Variants in SYBU observed in about 807,000 individuals in gnomAD.
SYBU encodes the protein GOLSYN A protein.
A neutral mutation model predicts 35.9 loss-of-function variants in SYBU; 21 were observed. The ratio of observed to expected loss-of-function variants is 0.58; its 90% CI spans 0.41 to 0.84. SYBU has a LOEUF of 0.84. SYBU is among the 40% of genes least tolerant of loss of function. The pLI is 0.00. For synonymous variants in SYBU, 319 were observed against 324.3 expected, an observed-to-expected ratio of 0.98 and a Z score of 0.18; for missense variants, 768 against 848.2, an observed-to-expected ratio of 0.91 and a Z score of 1.17.
rs772984615 is a variant in SYBU, at chr8:109,586,137, C to T, written c.453G>A (p.Ser151=). ...GAGCGGAAATGCTGCCTGTGCTGCT[C>T]GAGGAGCTAAAATCAGCTTCACTAC... ...KPGSEADFSS[S]SSTGSISAPE... is the part of the protein sequence containing the mutation. The change falls in exon 4 of 7, where the codon TCG becomes TCA. Residue 151 remains serine (S), a synonymous_variant. Coordinates refer to ENST00000276646, the MANE Select transcript of SYBU (RefSeq NM_001099754.2). 30 of 1,609,744 alleles carry T rather than the reference C, an allele frequency of 1.9e-5. 1 individual carries two copies. In the South Asian group the frequency reaches 2.2e-4, roughly 12 times the overall value.
intron 4 of SYBU, among the ~76,000 whole-genome samples, chr8:109,582,644 TATC>T (rs1363950377): frequency 6.6e-6 from 1 of 152,160 alleles, no homozygotes; most frequent in Non-Finnish European, 1.5e-5. Flanking sequence ...CTTCAGGTAA[TATC>T]ATCATCATCG....
intron 3 of SYBU, among the ~76,000 whole-genome samples, chr8:109,616,694 T>C (rs1330230445): frequency 5.5e-5 from 8 of 146,602 alleles, no homozygotes; most frequent in African/African-American, 1.8e-4. Context: ...TGATGAAACA[T>C]ACTTTTTTTT....
intron 3 of SYBU, among the ~76,000 whole-genome samples, chr8:109,604,234 C>A (rs1825838756): frequency 6.6e-6 from 1 of 152,120 alleles, no homozygotes; most frequent in Non-Finnish European, 1.5e-5. Flanking sequence ...CCTCTAAGGG[C>A]ATACATAGTA....
intron 3 of SYBU, among the ~76,000 whole-genome samples, chr8:109,610,553 T>G (rs1811062064): frequency 6.6e-6 from 1 of 152,222 alleles, no homozygotes; most frequent in Non-Finnish European, 1.5e-5. Flanking sequence ...GCTGAAGCAT[T>G]ACTCCACTTG....
intron 6 of SYBU, among the ~76,000 whole-genome samples, chr8:109,576,655 T>C (rs2131181909): frequency 6.6e-6 from 1 of 152,338 alleles, no homozygotes; most frequent in Non-Finnish European, 1.5e-5. Flanking sequence ...CTGCTTATTC[T>C]GTCTCCTCTC....
intron 1 of SYBU, among the ~76,000 whole-genome samples, chr8:109,672,550 C>T (rs1394286902): frequency 1.3e-5 from 2 of 152,202 alleles, no homozygotes; most frequent in Non-Finnish European, 2.9e-5. Context: ...CCAGGAGATT[C>T]CCTTGGAAGC....
chr8:109,658,437 A>G (rs1400708379), intron 1 of SYBU, among the ~76,000 whole-genome samples: 2 of 152,206 alleles, frequency 1.3e-5, no homozygotes, highest in Non-Finnish European at 2.9e-5. Context: ...TTATAAGGAG[A>G]AATAAATGTG....
At chr8:109,689,832 GAAAAA>G (rs544879954) in intron 1 of SYBU, among the ~76,000 whole-genome samples, 10,746 of 102,802 alleles carry the variant, frequency 0.1, 519 homozygotes, top group East Asian at 0.15. Flanking sequence ...ACTACAATAT[GAAAAA>G]AAAAAAAAAA....
intron 1 of SYBU, among the ~76,000 whole-genome samples, chr8:109,668,165 G>GGAGAGAGAGAGAGAGAGAGGGAGAGA: frequency 1.1e-5 from 1 of 88,990 alleles, no homozygotes; most frequent in Non-Finnish European, 2.0e-5. Context: ...GGGGAGAGGG[G>GGAGAGAGAGAGAGAGAGAGGGAGAGA]GAGAGAGAGA....
intron 3 of SYBU, among the ~76,000 whole-genome samples, chr8:109,590,158 G>A (rs1824050459): frequency 6.6e-6 from 1 of 152,130 alleles, no homozygotes; most frequent in South Asian, 2.1e-4. Context: ...GGAGCAGCAG[G>A]AGCAACGGAC....
intron 1 of SYBU, among the ~76,000 whole-genome samples, chr8:109,663,258 CAGAT>C (rs67666534): frequency 0.16 from 24,447 of 149,014 alleles, 2,147 homozygotes; most frequent in South Asian, 0.21. Context: ...AAAATACATA[CAGAT>C]AGATAGATAG....
chr8:109,590,599 CTT>C (rs1454125512), intron 3 of SYBU, among the ~76,000 whole-genome samples: 9 of 151,798 alleles, frequency 5.9e-5, no homozygotes, highest in Non-Finnish European at 1.0e-4. Context: ...GAAGTTCAAA[CTT>C]AAAGTATTTA....
chr8:109,604,864 T>A (rs1165490170), intron 3 of SYBU, among the ~76,000 whole-genome samples: 1 of 152,192 alleles, frequency 6.6e-6, no homozygotes, highest in Non-Finnish European at 1.5e-5. Context: ...TCAAGAACAG[T>A]CAGGCCCGCC....
Position 109,642,767 on chromosome 8 carries a change from G to A in SYBU, c.190C>T (p.Arg64Cys), listed in dbSNP as rs760606239. 13 of 1,612,172 alleles carry A rather than the reference G, an allele frequency of 8.1e-6. No homozygotes were observed. Among genetic ancestry groups the A allele is most frequent in the Admixed American group, 1.7e-5 (1 of 59,690 alleles). Residue 64 changes from arginine to cysteine, a missense_variant, in exon 2 of 7, where the codon CGC becomes TGC. Coordinates refer to ENST00000276646, the MANE Select transcript of SYBU (RefSeq NM_001099754.2). Reference protein sequence around the residue: ...SREFNPSSSGRSARTVSSNSF... With the variant: ...SREFNPSSSGCSARTVSSNSF... ...TTGCTGCTAACGGTCCTCGCTGAGC[G>A]CCCAGAGCTGCTGGGGTTGAACTCT... is the stretch of plus-strand genomic sequence containing the variant.
intron 6 of SYBU, 29 bp from the exon 7 acceptor site, chr8:109,576,042 TA>T (rs71305959): frequency 0.085 from 70,335 of 832,108 alleles, 82 homozygotes; most frequent in East Asian, 0.12. Flanking sequence ...CATGGTTAAT[TA>T]AAAAAAAAAA....
At chr8:109,586,400 G>A in intron 3 of SYBU, 1 of 500,240 alleles carries the variant, frequency 2.0e-6, no homozygotes, top group Non-Finnish European at 3.6e-6. Context: ...TCATAAAGAG[G>A]CCAGTCTTCC....
chr8:109,619,784 G>A (rs1234635603), intron 2 of SYBU, among the ~76,000 whole-genome samples: 1 of 152,110 alleles, frequency 6.6e-6, no homozygotes, highest in African/African-American at 2.4e-5. Context: ...CCCATCAATT[G>A]GTTAACAGAG....
At chr8:109,675,767 G>A (rs1450375623) in intron 1 of SYBU, among the ~76,000 whole-genome samples, 6 of 152,102 alleles carry the variant, frequency 3.9e-5, no homozygotes, top group Non-Finnish European at 8.8e-5. Context: ...GAAAAACAGG[G>A]ACTCCTCCCT....
chr8:109,672,072 T>G (rs1281376328), intron 1 of SYBU, among the ~76,000 whole-genome samples: 1 of 152,142 alleles, frequency 6.6e-6, no homozygotes, highest in East Asian at 1.9e-4. Flanking sequence ...CAGCTAATTT[T>G]GTATTTTTAG....
Sources: allele counts gnomAD v4.1 joint callset (sites outside exome capture counted in the v4.1 genomes callset), GRCh38; gene constraint gnomAD v4.1.1; transcripts MANE v1.5; gene names NCBI Gene and HGNC (gene_info 2026-07-23, HGNC 2026-07-21).